The following PGBD2 variants were observed in gnomAD, a reference collection of about 807,000 sequenced individuals.
PGBD2 encodes the protein piggyBac transposable element derived 2.
In PGBD2, 6 loss-of-function variants were observed where a neutral mutation model predicts 8.1. The observed-to-expected ratio is 0.74, with a 90% CI of 0.40 to 1.46. The LOEUF (loss-of-function observed/expected upper bound fraction) is 1.46. Among genes scored for constraint, PGBD2 ranks in the 40% most tolerant of loss-of-function variants. The pLI, the probability that PGBD2 is intolerant of heterozygous loss-of-function variation, is 0.02. For synonymous variants in PGBD2, 318 were observed against 272.2 expected (o/e 1.17, Z -1.66); for missense variants, 802 against 739.0 (o/e 1.09, Z -0.99).
At chr1:248,916,065 T>A (rs1038159130) in intron 2 of PGBD2, among the ~76,000 whole-genome samples, 2 of 152,126 alleles carry the variant, frequency 1.3e-5, no homozygotes. Context: ...GGAAAGGAAG[T>A]AGGTAAGACC....
the PGBD2 span, among the ~76,000 whole-genome samples, chr1:248,876,781 A>G: frequency 6.6e-6 from 1 of 152,330 alleles, no homozygotes; most frequent in African/African-American, 2.4e-5. Context: ...TCTGAAATAA[A>G]AGTTTGGATC....
At chr1:248,919,996 C>G (rs1409723550), downstream of PGBD2, 1 of 152,186 alleles carries the variant, frequency 6.6e-6, no homozygotes, top group East Asian at 1.9e-4. Flanking sequence ...CCTGCCTCAG[C>G]CTCCCAAGTA....
At chr1:248,891,131 A>G in the PGBD2 span, among the ~76,000 whole-genome samples, 1 of 152,384 alleles carries the variant, frequency 6.6e-6, no homozygotes, top group Admixed American at 6.5e-5. Flanking sequence ...TTATGCAAAC[A>G]AAATGTGTCT....
chr1:248,910,855 A>C (rs1661846797), intron 1 of PGBD2, among the ~76,000 whole-genome samples: 1 of 152,164 alleles, frequency 6.6e-6, no homozygotes, highest in Admixed American at 6.5e-5. Flanking sequence ...AAAAGAAAAA[A>C]ACAGCTTTAT....
the PGBD2 span, among the ~76,000 whole-genome samples, chr1:248,894,278 T>G: frequency 7.9e-5 from 12 of 151,664 alleles, no homozygotes; most frequent in Non-Finnish European, 1.0e-4. Flanking sequence ...TATTTTTGGG[T>G]TTTTTTTGTG....
chr1:248,929,904 A>G, the PGBD2 span, among the ~76,000 whole-genome samples: 5 of 152,144 alleles, frequency 3.3e-5, no homozygotes, highest in African/African-American at 1.2e-4. Flanking sequence ...CCATTCTAGG[A>G]TGAAAAATTG....
rs1572280662 is a variant in PGBD2, at chr1:248,917,163, T to G, written c.579T>G (p.Ser193=). 1 of 1,614,186 alleles carries G rather than the reference T, an allele frequency of 6.2e-7. No individual in the cohort carries two copies. ...LGILILSGYI[S]YPRRRMFWET... ...TTTTGATTTTAAGTGGGTACATCTCTTATCCAAGGAGAAGGATGTTCTGGG... is the reference window on the plus strand; with the variant it reads ...TTTTGATTTTAAGTGGGTACATCTCGTATCCAAGGAGAAGGATGTTCTGGG... The change falls in exon 3 of 3, where the codon TCT becomes TCG. Residue 193 remains serine (S), a synonymous_variant. Coordinates refer to ENST00000329291, the MANE Select transcript of PGBD2 (RefSeq NM_170725.3).
the PGBD2 span, among the ~76,000 whole-genome samples, chr1:248,930,164 G>A: frequency 6.6e-6 from 1 of 152,124 alleles, no homozygotes. Flanking sequence ...GCTCATCGCT[G>A]CTCAGCATCA....
At chr1:248,923,394 C>T (rs561710350), downstream of PGBD2, among the ~76,000 whole-genome samples, 19 of 151,914 alleles carry the variant, frequency 1.3e-4, no homozygotes, top group Non-Finnish European at 2.2e-4. Context: ...TGGATCTTTT[C>T]AAAAAACCAG....
chr1:248,928,816 C>A, the PGBD2 span, among the ~76,000 whole-genome samples: 1 of 152,224 alleles, frequency 6.6e-6, no homozygotes. Context: ...AACCCAGTGA[C>A]TTTTCGCACC....
At chr1:248,879,897 A>G in the PGBD2 span, among the ~76,000 whole-genome samples, 1 of 152,098 alleles carries the variant, frequency 6.6e-6, no homozygotes, top group African/African-American at 2.4e-5. Flanking sequence ...ACATATATAT[A>G]TTCTTTTGAT....
At chr1:248,924,881 C>G (rs537365279), downstream of PGBD2, among the ~76,000 whole-genome samples, 1 of 152,106 alleles carries the variant, frequency 6.6e-6, no homozygotes, top group Non-Finnish European at 1.5e-5. Context: ...AAGTGCCACA[C>G]AAATATAAAT....
downstream of PGBD2, among the ~76,000 whole-genome samples, chr1:248,924,540 A>G (rs546709507): frequency 2.0e-5 from 3 of 152,252 alleles, no homozygotes; most frequent in East Asian, 5.8e-4. Flanking sequence ...AAAAAGTGAC[A>G]TTCACATATC....
the PGBD2 span, among the ~76,000 whole-genome samples, chr1:248,897,124 C>T: frequency 6.6e-6 from 1 of 151,982 alleles, no homozygotes; most frequent in Non-Finnish European, 1.5e-5. Context: ...AAATATTTGC[C>T]CTAGCATGCT....
At chr1:248,928,835 G>C in the PGBD2 span, among the ~76,000 whole-genome samples, 3 of 152,170 alleles carry the variant, frequency 2.0e-5, no homozygotes, top group Non-Finnish European at 4.4e-5. Flanking sequence ...CCTTAAATCT[G>C]TGAAATCCTC....
chr1:248,877,938 T>C, the PGBD2 span, among the ~76,000 whole-genome samples: 1 of 152,222 alleles, frequency 6.6e-6, no homozygotes, highest in African/African-American at 2.4e-5. Flanking sequence ...TGGAGAATAT[T>C]AATGCAATGA....
the PGBD2 span, among the ~76,000 whole-genome samples, chr1:248,878,103 G>A: frequency 6.6e-6 from 1 of 151,876 alleles, no homozygotes; most frequent in East Asian, 1.9e-4. Flanking sequence ...TGGCCACGAT[G>A]TTCTGTTGGG....
chr1:248,874,241 C>T, the PGBD2 span, among the ~76,000 whole-genome samples: 1,707 of 152,160 alleles, frequency 0.011, 37 homozygotes, highest in African/African-American at 0.038. Context: ...AATGACGCAT[C>T]ATGTCTTCCC....
Position 248,917,023 on chromosome 1 carries a change from T to G in PGBD2, c.439T>G (p.Leu147Val). 6.2e-7 allele frequency: 1 copy of G among 1,613,732 alleles called. No homozygotes were observed. Among genetic ancestry groups the G allele is most frequent in the Non-Finnish European group, 8.5e-7 (1 of 1,179,934 alleles). Residue 147 changes from leucine to valine, a missense_variant, in exon 3 of 3, where the codon TTG (leucine) becomes GTG (valine). By Grantham distance (32) the Leu-to-Val change is conservative (BLOSUM62 1). Transcript: ENST00000329291. ...GCTGAGTCCCGTGGGCCTTTTTGAG[T>G]TGTTTTTTGATGAAGGAACAATTAA... ...QELSPVGLFE[L>V]FFDEGTINFI... is the part of the protein sequence containing the mutation.
Sources: allele counts gnomAD v4.1 joint callset (sites outside exome capture counted in the v4.1 genomes callset), GRCh38; gene constraint gnomAD v4.1.1; transcripts MANE v1.5; gene names NCBI Gene and HGNC (gene_info 2026-07-23, HGNC 2026-07-21).